The following WDR59 variants were observed in gnomAD, a reference collection of about 807,000 sequenced individuals.
WDR59 encodes the protein WD repeat domain 59, also known as GATOR2 complex protein WDR59.
A neutral mutation model predicts 131.2 loss-of-function variants in WDR59; 100 were observed. The observed-to-expected ratio is 0.76, with a 90% CI of 0.65 to 0.90. WDR59 has a LOEUF of 0.90. Among genes scored for constraint, WDR59 ranks in the 40% least tolerant of loss-of-function variants. WDR59 has a pLI of 0.00. For missense variants in WDR59, 1,203 were observed against 1,262.2 expected, an observed-to-expected ratio of 0.95 and a Z score of 0.71; for synonymous variants, 601 against 466.2, an observed-to-expected ratio of 1.29 and a Z score of -3.72.
At chr16:74,876,028 C>T (rs1964196447) in intron 25 of WDR59, among the ~76,000 whole-genome samples, 1 of 152,162 alleles carries the variant, frequency 6.6e-6, no homozygotes, top group Admixed American at 6.5e-5. Flanking sequence ...CCTCGTCTCT[C>T]ACTTCCCTTC....
rs1333747637 is a variant in WDR59, at chr16:74,964,376, T to C, written c.104+1397A>G. ...CCTGGGCAACAAGAGCGAAACATCA[T>C]CTCAAAAAAAAAAAAGAGCAGGGAG... On this transcript the variant is annotated intron_variant, in intron 2 of 25. Transcript: ENST00000262144. 3.2e-5 allele frequency among the ~76,000 whole-genome samples: 2 copies of C among 61,732 alleles called. 1 individual carries two copies. The allele number at this position is 61,732 out of a possible 152,430, so 40.5% of individuals were successfully genotyped here.
At chr16:74,972,118 A>C (rs932761144) in intron 1 of WDR59, among the ~76,000 whole-genome samples, 1 of 152,196 alleles carries the variant, frequency 6.6e-6, no homozygotes, top group Admixed American at 6.6e-5. Context: ...AAGAGAATGA[A>C]GTTCTTAGAA....
At chr16:74,960,996 CAT>C (rs1203038292) in intron 2 of WDR59, among the ~76,000 whole-genome samples, 2 of 151,992 alleles carry the variant, frequency 1.3e-5, no homozygotes, top group East Asian at 3.9e-4. Flanking sequence ...ATTTACTACA[CAT>C]ATTGTAAAAT....
intron 21 of WDR59, among the ~76,000 whole-genome samples, chr16:74,889,491 C>T (rs1346636007): frequency 6.6e-6 from 1 of 152,124 alleles, no homozygotes; most frequent in Admixed American, 6.6e-5. Context: ...GGTCTCAAAT[C>T]CTTGTTATAA....
At chr16:74,952,151 G>C (rs1266294943) in intron 3 of WDR59, among the ~76,000 whole-genome samples, 1 of 151,942 alleles carries the variant, frequency 6.6e-6, no homozygotes, top group Admixed American at 6.6e-5. Flanking sequence ...TAAAAACATA[G>C]GTGCATAAGA....
At chr16:74,887,551 C>G in intron 23 of WDR59, 132 bp downstream of exon 23, 5 of 856,318 alleles carry the variant, frequency 5.8e-6, no homozygotes, top group Non-Finnish European at 8.9e-6. Context: ...AAGAGTATCC[C>G]TATCACAGTA....
At chr16:74,889,528 G>A (rs769940185) in intron 21 of WDR59, 175 bp downstream of exon 21, 1 of 588,164 alleles carries the variant, frequency 1.7e-6, no homozygotes, top group Non-Finnish European at 3.0e-6. Flanking sequence ...GGTTCTGTCT[G>A]CTATAAGAAG....
At chr16:74,876,041 C>T (rs949089136) in intron 25 of WDR59, among the ~76,000 whole-genome samples, 7 of 152,110 alleles carry the variant, frequency 4.6e-5, no homozygotes, top group Non-Finnish European at 7.4e-5. Flanking sequence ...TTCCCTTCGT[C>T]GTTACACCAC....
At chr16:74,880,595 G>A (rs1214346846) in intron 25 of WDR59, among the ~76,000 whole-genome samples, 3 of 152,202 alleles carry the variant, frequency 2.0e-5, no homozygotes, top group Admixed American at 1.3e-4. Context: ...CTTGCACAAA[G>A]TACAGATGTC....
intron 1 of WDR59, chr16:74,978,930 C>G (rs532483835): frequency 1.3e-5 from 2 of 152,302 alleles, no homozygotes; most frequent in Admixed American, 1.3e-4. Flanking sequence ...CAGTTCTTCT[C>G]TTCAACACAG....
intron 6 of WDR59, among the ~76,000 whole-genome samples, chr16:74,946,231 T>C (rs1011850624): frequency 1.1e-4 from 16 of 152,242 alleles, no homozygotes; most frequent in East Asian, 1.9e-4. Context: ...ATCCTAGTTA[T>C]GTATGTACAG....
chr16:74,886,177 C>CAAAAAAAAAAAAAAG, intron 24 of WDR59, 93 bp downstream of exon 24: 1 of 1,009,400 alleles, frequency 9.9e-7, no homozygotes, highest in Non-Finnish European at 1.4e-6. Flanking sequence ...ATTCTGTGTC[C>CAAAAAAAAAAAAAAG]AAAAAAAAAA....
intron 8 of WDR59, among the ~76,000 whole-genome samples, chr16:74,932,714 C>G (rs997925224): frequency 9.9e-5 from 15 of 152,222 alleles, no homozygotes; most frequent in Admixed American, 5.9e-4. Context: ...GTCTCCACCT[C>G]CTGGGCTCAA....
chr16:74,941,827 G>C (rs2032254661), intron 7 of WDR59, among the ~76,000 whole-genome samples: 1 of 152,158 alleles, frequency 6.6e-6, no homozygotes, highest in South Asian at 2.1e-4. Flanking sequence ...GCAGCAGACA[G>C]GATCTGCCAC....
rs553583113 is a variant in WDR59 at position 74,984,933 on chromosome 16, C to G, written c.54+31G>C. 3 of 1,599,046 alleles carry G rather than the reference C, an allele frequency of 1.9e-6. No homozygotes were observed. The East Asian group carries it at 6.8e-5, about 36-fold the overall frequency. On this transcript the variant is annotated intron_variant, in intron 1 of 25. Transcript: ENST00000262144. ...GGAGGGGAAGCGGGGAGGACGCATGCCCAGAGGGCTCCACTCGGCCTCTAG... is the reference window on the plus strand; with the variant it reads ...GGAGGGGAAGCGGGGAGGACGCATGGCCAGAGGGCTCCACTCGGCCTCTAG...
chr16:74,963,461 C>A (rs775727678), intron 2 of WDR59, among the ~76,000 whole-genome samples: 71 of 152,146 alleles, frequency 4.7e-4, no homozygotes, highest in Non-Finnish European at 7.6e-4. Context: ...GAGCTGGAAG[C>A]CATTATCCTC....
chr16:74,910,673 T>A (rs1966041867), intron 14 of WDR59, among the ~76,000 whole-genome samples: 1 of 152,192 alleles, frequency 6.6e-6, no homozygotes, highest in African/African-American at 2.4e-5. Context: ...AAAGTATAAA[T>A]CCTAACACTT....
At chr16:74,973,747 T>A (rs2034078689) in intron 1 of WDR59, among the ~76,000 whole-genome samples, 1 of 152,212 alleles carries the variant, frequency 6.6e-6, no homozygotes, top group Admixed American at 6.5e-5. Flanking sequence ...TAAAAATTAA[T>A]TAATTCGGCC....
At chr16:74,919,253 C>T (rs951807698) in intron 10 of WDR59, among the ~76,000 whole-genome samples, 1 of 152,044 alleles carries the variant, frequency 6.6e-6, no homozygotes, top group Non-Finnish European at 1.5e-5. Flanking sequence ...TCACTAAAAC[C>T]GGTTCCTGCT....
Sources: allele counts gnomAD v4.1 joint callset (sites outside exome capture counted in the v4.1 genomes callset), GRCh38; gene constraint gnomAD v4.1.1; transcripts MANE v1.5; gene names NCBI Gene and HGNC (gene_info 2026-07-23, HGNC 2026-07-21).